Variants in JAKMIP1 observed in about 807,000 individuals in gnomAD.
JAKMIP1 encodes the protein janus kinase and microtubule-interacting protein 1.
In JAKMIP1, 33 loss-of-function variants were observed where a neutral mutation model predicts 113.0. The ratio of observed to expected loss-of-function variants is 0.29; its 90% confidence interval spans 0.22 to 0.39. JAKMIP1 has a LOEUF of 0.39. JAKMIP1 is among the 10% of genes least tolerant of loss of function. The probability of loss-of-function intolerance (pLI) is 1.00; values close to 1 mark genes in which losing one functional copy is unlikely to be tolerated. For synonymous variants in JAKMIP1, 480 were observed against 459.9 expected (o/e 1.04, Z -0.56); for missense variants, 813 against 1,080.5 (o/e 0.75, Z 3.47).
chr4:6,116,318 T>C lies in JAKMIP1; in HGVS notation c.-147-3321A>G, dbSNP rs1715778195. Among the ~76,000 whole-genome samples the C allele has an allele frequency of 6.6e-6, 1 of 152,040 alleles. No homozygotes were observed. The highest frequency in any genetic ancestry group is 1.5e-5 in the Non-Finnish European group (1 of 68,012). On this transcript the variant is annotated intron_variant, in intron 1 of 20. Coordinates refer to ENST00000409021, the MANE Select transcript of JAKMIP1 (RefSeq NM_001099433.2). This position sits in a 1 kb window ranked among gnomAD's most constrained non-coding sequence, Gnocchi z 5.1. ...GGGAACTCTCCTGCCTGAGCTTAGC[T>C]TGGTGTCTGCTGCGCCCGGGGATTT...
In JAKMIP1 at chr4:6,197,283, C is replaced by T. The variant is rs1171758799; in HGVS notation, c.-148+2970G>A. Among the ~76,000 whole-genome samples, 3 of 152,202 alleles carry T rather than the reference C, an allele frequency of 2.0e-5. No individual in the cohort carries two copies. Among genetic ancestry groups the T allele is most frequent in the African/African-American group, 7.2e-5 (3 of 41,446 alleles). On this transcript the variant is annotated intron_variant, in intron 1 of 20. Coordinates refer to ENST00000409021, the MANE Select transcript of JAKMIP1 (RefSeq NM_001099433.2). The surrounding 1 kb of genome is among the most constrained non-coding windows in gnomAD (Gnocchi z 6.5). The stretch of plus-strand genomic sequence containing the variant: ...GTCCCTCATACCTCTCAGCCCACCA[C>T]AATGGTGGCCACTGCTCTGATCATT...
chr4:6,169,792 G>A (rs1465386792), intron 1 of JAKMIP1, among the ~76,000 whole-genome samples: 2 of 151,866 alleles, frequency 1.3e-5, no homozygotes, highest in Non-Finnish European at 2.9e-5. Flanking sequence ...TGCCCCACCT[G>A]GAACATGGGG....
chr4:6,178,858 G>T lies in JAKMIP1; in HGVS notation c.-148+21395C>A, dbSNP rs1481995298. 6.6e-6 allele frequency among the ~76,000 whole-genome samples: 1 copy of T among 152,158 alleles called. No homozygotes were observed. Among genetic ancestry groups the T allele is most frequent in the Non-Finnish European group, 1.5e-5 (1 of 68,034 alleles). ...CCCAACCTCAGAGCACCTCGTACTTGATTAAGGTCCCTCCCTCTTCACATG... is the reference window on the plus strand; with the variant it reads ...CCCAACCTCAGAGCACCTCGTACTTTATTAAGGTCCCTCCCTCTTCACATG... On this transcript the variant is annotated intron_variant, in intron 1 of 20. Transcript: ENST00000409021. The surrounding 1 kb of genome is among the most constrained non-coding windows in gnomAD (Gnocchi z 5.5).
intron 4 of JAKMIP1, 133 bp from the exon 5 acceptor site, chr4:6,085,098 G>T: frequency 8.7e-7 from 1 of 1,144,522 alleles, no homozygotes; most frequent in Non-Finnish European, 1.2e-6. Context: ...ATGCCACACA[G>T]CAAGGTGGGG....
intron 1 of JAKMIP1, among the ~76,000 whole-genome samples, chr4:6,132,783 C>T (rs897161762): frequency 8.6e-5 from 13 of 151,982 alleles, no homozygotes; most frequent in Admixed American, 6.6e-4. Flanking sequence ...TAAATGTCAA[C>T]GGTCTAAATA....
chr4:6,170,050 T>A (rs1348367380), intron 1 of JAKMIP1, among the ~76,000 whole-genome samples: 2 of 92,040 alleles, frequency 2.2e-5, no homozygotes, highest in Admixed American at 2.7e-4. Context: ...ACCACCACCA[T>A]CACCACTCTC....
intron 16 of JAKMIP1, among the ~76,000 whole-genome samples, chr4:6,047,106 A>G (rs1715097290): frequency 6.6e-6 from 1 of 152,234 alleles, no homozygotes; most frequent in Non-Finnish European, 1.5e-5. Flanking sequence ...GTGAGCCACC[A>G]GGATGCTCAG....
intron 1 of JAKMIP1, among the ~76,000 whole-genome samples, chr4:6,147,143 G>C (rs746109723): frequency 7.6e-4 from 115 of 152,120 alleles, no homozygotes; most frequent in Middle Eastern, 6.8e-3. Flanking sequence ...TGTATTTTTA[G>C]TAGAGACAGG....
At chr4:6,073,463 C>G (rs899582803) in intron 8 of JAKMIP1, among the ~76,000 whole-genome samples, 4 of 152,176 alleles carry the variant, frequency 2.6e-5, no homozygotes, top group Admixed American at 1.3e-4. Context: ...CAGTCCCCAG[C>G]CCTCCCTTAA....
chr4:6,105,999 G>A (rs1713882166), intron 2 of JAKMIP1, 32 bp from the exon 3 acceptor site: 1 of 1,096,478 alleles, frequency 9.1e-7, no homozygotes, highest in Non-Finnish European at 1.3e-6. Flanking sequence ...AGCCGGTCAG[G>A]GTCAGGGTCA....
intron 8 of JAKMIP1, chr4:6,070,301 A>G: frequency 2.6e-6 from 1 of 389,300 alleles, no homozygotes; most frequent in Non-Finnish European, 4.5e-6. Flanking sequence ...CCTTTCCTCT[A>G]ACACACCCGC....
At chr4:6,079,072 G>A in intron 7 of JAKMIP1, 74 bp from the exon 8 acceptor site, 4 of 1,544,368 alleles carry the variant, frequency 2.6e-6, no homozygotes, top group Non-Finnish European at 3.6e-6. Context: ...GGCTCTCAAA[G>A]GGAGCTGGGC....
At position 6,167,296 on chromosome 4, in the gene JAKMIP1, T is replaced by C. The variant is rs75543608; in HGVS notation, c.-148+32957A>G. 0.013 allele frequency among the ~76,000 whole-genome samples: 2,001 copies of C among 152,098 alleles called. 32 individuals are homozygous for C. Among genetic ancestry groups the C allele is most frequent in the African/African-American group, 0.045 (1,872 of 41,514 alleles). On this transcript the variant is annotated intron_variant, in intron 1 of 20. Coordinates refer to ENST00000409021, the MANE Select transcript of JAKMIP1 (RefSeq NM_001099433.2). The surrounding 1 kb of genome is among the most constrained non-coding windows in gnomAD (Gnocchi z 5.3). The stretch of plus-strand genomic sequence containing the variant: ...TCCCATCAGAGCTGGGACTTCATCT[T>C]TCATGTGGCTCCTCCTCCCCCTGAC...
intron 19 of JAKMIP1, among the ~76,000 whole-genome samples, chr4:6,030,625 C>T (rs1013436188): frequency 4.6e-5 from 7 of 152,236 alleles, no homozygotes; most frequent in Non-Finnish European, 7.3e-5. Context: ...CTCTGCCCAG[C>T]GGGCTGCTGG....
intron 1 of JAKMIP1, among the ~76,000 whole-genome samples, chr4:6,123,239 C>T (rs1242150237): frequency 6.6e-6 from 1 of 152,208 alleles, no homozygotes; most frequent in Admixed American, 6.5e-5. Flanking sequence ...GGCCCAAACC[C>T]CTCACCCAGA....
chr4:6,159,025 G>C (rs1477063476), intron 1 of JAKMIP1, among the ~76,000 whole-genome samples: 2 of 151,538 alleles, frequency 1.3e-5, no homozygotes, highest in Non-Finnish European at 2.9e-5. Context: ...GGAGGTCTAG[G>C]CTGCATTCAG....
chr4:6,111,323 G>A lies in JAKMIP1; in HGVS notation c.129+1399C>T, dbSNP rs143517139. The stretch of plus-strand genomic sequence containing the variant: ...GCTTCAGATAGACCTTCAACTGCTC[G>A]AGCCACCCAGGAGCAAGCCTGCATC... On this transcript the variant is annotated intron_variant, in intron 2 of 20. Transcript: ENST00000409021. Among the ~76,000 whole-genome samples the A allele has an allele frequency of 2.1e-4, 32 of 152,276 alleles. No homozygotes were observed. In the East Asian group the frequency reaches 5.6e-3, roughly 27 times the overall value.
chr4:6,036,120 G>C lies in JAKMIP1; in HGVS notation c.2176-13C>G. 2 of 1,536,050 alleles carry C rather than the reference G, an allele frequency of 1.3e-6. No homozygotes were observed. Among genetic ancestry groups the C allele is most frequent in the Middle Eastern group, 1.7e-4 (1 of 5,938 alleles). On this transcript the variant is annotated splice_polypyrimidine_tract_variant and intron_variant, in intron 18 of 20. Coordinates refer to ENST00000409021, the MANE Select transcript of JAKMIP1 (RefSeq NM_001099433.2). ...GGTCTTGGATTTTCTGAGGACCCCA[G>C]ATCACACAGACAGAGGAAGGTCACA...
rs373674225 is a variant in JAKMIP1, at chr4:6,054,166, G to A, written c.1708-18C>T. On this transcript the variant is annotated intron_variant, in intron 12 of 20. Transcript: ENST00000409021. ...CTGTAAATCTAGAGCAAAGATACCT[G>A]CGGATTAACAGGATGGGTGGGAGCA... 5 of 1,613,668 alleles carry A rather than the reference G, an allele frequency of 3.1e-6. No individual in the cohort carries two copies. In the African/African-American group the frequency reaches 5.3e-5, roughly 17 times the overall value.
Sources: allele counts gnomAD v4.1 joint callset (sites outside exome capture counted in the v4.1 genomes callset), GRCh38; gene constraint gnomAD v4.1.1; non-coding constraint Gnocchi (gnomAD v3.1); transcripts MANE v1.5; gene names NCBI Gene and HGNC (gene_info 2026-07-23, HGNC 2026-07-21).